Variants in DMXL2 observed in about 807,000 individuals in gnomAD.
The protein encoded by DMXL2 is Dmx like 2, also known as dmX-like protein 2.
DMXL2 carries 103 observed loss-of-function variants against 331.1 expected under a neutral mutation model. The observed-to-expected ratio is 0.31, with a 90% CI of 0.27 to 0.37. The LOEUF is 0.37. Among genes scored for constraint, DMXL2 ranks in the 10% least tolerant of loss-of-function variants. The pLI is 1.00. For missense variants in DMXL2, 3,171 were observed against 3,642.9 expected (o/e 0.87, Z 3.33); for synonymous variants, 1,281 against 1,252.1 (o/e 1.02, Z -0.49).
chr15:51,594,649 G>A (rs1325407492), intron 1 of DMXL2, among the ~76,000 whole-genome samples: 1 of 152,002 alleles, frequency 6.6e-6, no homozygotes, highest in Non-Finnish European at 1.5e-5. Context: ...GATGAACATT[G>A]ATGCAAAAAT....
intron 6 of DMXL2, among the ~76,000 whole-genome samples, chr15:51,560,668 C>CAA (rs992393904): frequency 1.8e-4 from 13 of 71,096 alleles, no homozygotes; most frequent in Non-Finnish European, 2.3e-4. Flanking sequence ...GACTCAGTCT[C>CAA]AAAAAAAAAA....
intron 1 of DMXL2, among the ~76,000 whole-genome samples, chr15:51,596,935 G>T (rs144757062): frequency 4.6e-5 from 7 of 152,132 alleles, no homozygotes; most frequent in African/African-American, 1.4e-4. Flanking sequence ...GTGGGAGGAG[G>T]GGGGTGGGAT....
At chr15:51,548,833 T>C (rs1014451136) in intron 6 of DMXL2, among the ~76,000 whole-genome samples, 2 of 152,182 alleles carry the variant, frequency 1.3e-5, no homozygotes, top group East Asian at 3.9e-4. Flanking sequence ...TTTTAAAATA[T>C]GTTGAAAATA....
intron 16 of DMXL2, among the ~76,000 whole-genome samples, chr15:51,504,213 T>C (rs1403864184): frequency 1.3e-5 from 2 of 152,166 alleles, no homozygotes; most frequent in African/African-American, 4.8e-5. Context: ...AACAATATAC[T>C]GCCTCACTTT....
chr15:51,618,590 G>A (rs367773127), intron 1 of DMXL2, among the ~76,000 whole-genome samples: 31 of 151,950 alleles, frequency 2.0e-4, no homozygotes, highest in African/African-American at 6.8e-4. Flanking sequence ...TACCAGGTAC[G>A]TTTTCCTGAA....
In DMXL2 at chr15:51,461,281, G is replaced by T. The variant is rs144307283; in HGVS notation, c.7927-1621C>A. ...GGGCATAATGGAAGGGAGACTAAGG[G>T]GCGGAGAGGGGGAGAATTAGTTAAG... On this transcript the variant is annotated intron_variant, in intron 33 of 43. Transcript: ENST00000560891. Among the ~76,000 whole-genome samples, 348 of 152,190 alleles carry T rather than the reference G, an allele frequency of 2.3e-3. 2 individuals carry two copies. The highest frequency in any genetic ancestry group is 7.9e-3 in the African/African-American group (329 of 41,508).
At chr15:51,588,916 T>C (rs1405070993) in intron 1 of DMXL2, among the ~76,000 whole-genome samples, 2 of 152,220 alleles carry the variant, frequency 1.3e-5, no homozygotes, top group Non-Finnish European at 2.9e-5. Flanking sequence ...TCTGTGGCTG[T>C]ACACAAATTT....
Position 51,536,384 on chromosome 15 carries a change from A to G in DMXL2, c.2096T>C (p.Ile699Thr), listed in dbSNP as rs117017152. The G allele has an allele frequency of 7.7e-4, 1,236 of 1,613,632 alleles. 3 individuals carry two copies. Among genetic ancestry groups the G allele is most frequent in the Admixed American group, 1.1e-3 (67 of 59,940 alleles). ...AAGAGGTTGTTTCGAGGAACCTTTT[A>G]TATGTTTTACAGGGTCCATTAATCT... ...LSRLMDPVKH[I>T]KGSSKQPLRN... The change falls in exon 12 of 44, where the codon ATA (isoleucine) becomes ACA (threonine). Residue 699 changes from isoleucine (I) to threonine (T), a missense_variant. Around this residue, in one of 7 missense-constraint regions of DMXL2, gnomAD observed 1,674 missense variants for 1,780.2 expected, o/e 0.94. Coordinates refer to ENST00000560891, the MANE Select transcript of DMXL2 (RefSeq NM_001378457.1).
At chr15:51,578,509 T>A (rs2051197025) in intron 1 of DMXL2, among the ~76,000 whole-genome samples, 1 of 152,154 alleles carries the variant, frequency 6.6e-6, no homozygotes, top group African/African-American at 2.4e-5. Context: ...ATTGGATGCA[T>A]CAAAATCACC....
chr15:51,448,068 T>G lies in DMXL2; in HGVS notation c.*916A>C, dbSNP rs1318364191. ...CAAGCAAATATTTAACTCTGCATAG[T>G]TTATACAATAGGCTGTGGCAATAAA... On this transcript the variant is annotated 3_prime_UTR_variant, in exon 44 of 44. Transcript: ENST00000560891. 6.6e-6 allele frequency: 1 copy of G among 152,628 alleles called. No homozygotes were observed. The highest frequency in any genetic ancestry group is 2.4e-5 in the African/African-American group (1 of 41,436). 9.5% of individuals were successfully genotyped at this position (152,628 alleles called of 1,614,324 possible).
intron 28 of DMXL2, among the ~76,000 whole-genome samples, chr15:51,471,788 T>C (rs1472592142): frequency 1.3e-5 from 2 of 152,094 alleles, no homozygotes; most frequent in Admixed American, 1.3e-4. Flanking sequence ...AGGGCAGAAG[T>C]TCAATGGGAA....
At chr15:51,607,249 A>T (rs2053652596) in intron 1 of DMXL2, among the ~76,000 whole-genome samples, 1 of 151,820 alleles carries the variant, frequency 6.6e-6, no homozygotes, top group Non-Finnish European at 1.5e-5. Context: ...AAGGTCAGGA[A>T]ATCAAGACCA....
intron 15 of DMXL2, 31 bp from the exon 16 acceptor site, chr15:51,507,284 T>C: frequency 3.2e-6 from 5 of 1,586,246 alleles, no homozygotes; most frequent in Non-Finnish European, 3.4e-6. Flanking sequence ...ATATTTAAAT[T>C]AGTATGTTTT....
At chr15:51,619,831 C>T (rs1352183047) in intron 1 of DMXL2, among the ~76,000 whole-genome samples, 2 of 152,098 alleles carry the variant, frequency 1.3e-5, no homozygotes, top group African/African-American at 2.4e-5. Context: ...AACCCACCTA[C>T]GCACCCACAC....
chr15:51,456,937 T>C (rs1351506299), intron 37 of DMXL2, among the ~76,000 whole-genome samples: 7 of 152,126 alleles, frequency 4.6e-5, no homozygotes, highest in Non-Finnish European at 1.0e-4. Context: ...CTTGGGAGGC[T>C]GAAGCGGGTA....
intron 1 of DMXL2, among the ~76,000 whole-genome samples, chr15:51,598,243 G>T (rs975416507): frequency 1.3e-5 from 2 of 152,132 alleles, no homozygotes; most frequent in Non-Finnish European, 2.9e-5. Context: ...GTTATAAAAA[G>T]TTCCTGTATA....
chr15:51,467,820 G>A (rs952761010), intron 29 of DMXL2, among the ~76,000 whole-genome samples: 6 of 150,748 alleles, frequency 4.0e-5, no homozygotes, highest in Non-Finnish European at 7.4e-5. Flanking sequence ...TCCGCCTCCC[G>A]GGTTCACGCC....
chr15:51,516,547 C>A (rs910706172), intron 14 of DMXL2, among the ~76,000 whole-genome samples: 2 of 152,224 alleles, frequency 1.3e-5, no homozygotes, highest in African/African-American at 4.8e-5. Flanking sequence ...TATTTTCTCT[C>A]AGCATTTCAA....
At chr15:51,598,994 G>A (rs969273167) in intron 1 of DMXL2, among the ~76,000 whole-genome samples, 3 of 152,176 alleles carry the variant, frequency 2.0e-5, no homozygotes, top group Non-Finnish European at 4.4e-5. Context: ...TCATTTGTCA[G>A]TTTCCCTCTG....
Sources: gnomAD v4.1 joint callset for allele counts (sites outside exome capture counted in the v4.1 genomes callset) on GRCh38, gnomAD v4.1.1 for gene constraint, gnomAD v4.1.1 regional missense constraint, MANE v1.5 for transcripts, NCBI Gene and HGNC (gene_info 2026-07-23, HGNC 2026-07-21) for gene names.